NELL1: variants seen among roughly 807,000 people sequenced by gnomAD.
NELL1 encodes neural EGFL like 1.
In NELL1, 76 loss-of-function variants were observed where a neutral mutation model predicts 107.4. That is an observed-to-expected ratio of 0.71 (90% CI 0.59 to 0.86). The LOEUF is 0.86. Ranked by LOEUF, NELL1 falls within the 40% of genes least tolerant of loss-of-function variation. NELL1 has a pLI of 0.00. For missense variants in NELL1, 1,024 were observed against 1,005.5 expected (o/e 1.02, Z -0.25); for synonymous variants, 353 against 341.2 (o/e 1.03, Z -0.38).
chr11:20,914,739 A>G (rs1224602458), intron 5 of NELL1, among the ~76,000 whole-genome samples: 1 of 152,008 alleles, frequency 6.6e-6, no homozygotes, highest in African/African-American at 2.4e-5. Flanking sequence ...GCCCTGTAGT[A>G]TATAGCCTAG....
chr11:21,005,441 G>T (rs1193424087), intron 12 of NELL1, among the ~76,000 whole-genome samples: 1 of 152,186 alleles, frequency 6.6e-6, no homozygotes, highest in Admixed American at 6.5e-5. Flanking sequence ...CAGGGTTTTT[G>T]CCAGGGAAGG....
intron 14 of NELL1, among the ~76,000 whole-genome samples, chr11:21,346,943 A>C (rs6483766): frequency 1 from 152,251 of 152,254 alleles, 76,124 homozygotes; most frequent in Non-Finnish European, 1. Context: ...TAATAACCAA[A>C]TGTTAAGCTA....
At chr11:20,997,810 C>T (rs1320022165) in intron 12 of NELL1, among the ~76,000 whole-genome samples, 2 of 151,932 alleles carry the variant, frequency 1.3e-5, no homozygotes, top group Non-Finnish European at 2.9e-5. Flanking sequence ...CCTGTCTCTA[C>T]AAGAAATTAA....
chr11:21,007,281 A>G (rs1852347540), intron 12 of NELL1, among the ~76,000 whole-genome samples: 1 of 152,096 alleles, frequency 6.6e-6, no homozygotes, highest in Non-Finnish European at 1.5e-5. Flanking sequence ...ACTTGCTACA[A>G]ATGTCAGTTT....
At chr11:21,383,114 G>A (rs1240149171) in intron 15 of NELL1, among the ~76,000 whole-genome samples, 1 of 151,970 alleles carries the variant, frequency 6.6e-6, no homozygotes, top group Non-Finnish European at 1.5e-5. Flanking sequence ...TAACTCTTAT[G>A]ATTTGCATCA....
chr11:21,468,466 CTT>C (rs1854087350), intron 15 of NELL1, among the ~76,000 whole-genome samples: 1 of 151,934 alleles, frequency 6.6e-6, no homozygotes, highest in Non-Finnish European at 1.5e-5. Flanking sequence ...AATAAAAAGA[CTT>C]TAAAATTATT....
chr11:21,005,607 T>C (rs1165448561), intron 12 of NELL1, among the ~76,000 whole-genome samples: 1 of 152,192 alleles, frequency 6.6e-6, no homozygotes, highest in African/African-American at 2.4e-5. Flanking sequence ...ATAAAGACTG[T>C]GTTCATGAGC....
chr11:20,852,138 T>C (rs1848806089), intron 4 of NELL1, among the ~76,000 whole-genome samples: 1 of 152,232 alleles, frequency 6.6e-6, no homozygotes, highest in African/African-American at 2.4e-5. Flanking sequence ...AAGTGCAGTC[T>C]ATCACATTTC....
intron 12 of NELL1, among the ~76,000 whole-genome samples, chr11:20,996,360 T>C (rs1516742): frequency 0.23 from 34,989 of 152,104 alleles, 5,864 homozygotes; most frequent in African/African-American, 0.47. Context: ...GTGATAGTCT[T>C]TGTTCTTGCT....
chr11:21,442,894 G>T (rs1419987025), intron 15 of NELL1, among the ~76,000 whole-genome samples: 3 of 145,194 alleles, frequency 2.1e-5, no homozygotes, highest in Non-Finnish European at 4.5e-5. Flanking sequence ...GAAATTGGGT[G>T]CAATTAGCTT....
intron 15 of NELL1, among the ~76,000 whole-genome samples, chr11:21,379,718 T>G (rs1851565037): frequency 6.6e-6 from 1 of 152,150 alleles, no homozygotes. Flanking sequence ...AAAAATTTAT[T>G]CTACTCTCTT....
chr11:20,831,383 A>G (rs1046377321), intron 3 of NELL1, among the ~76,000 whole-genome samples: 1 of 152,216 alleles, frequency 6.6e-6, no homozygotes, highest in African/African-American at 2.4e-5. Context: ...ACACTTTTAA[A>G]GTGTTTACAA....
At chr11:21,199,018 C>G (rs1857210065) in intron 13 of NELL1, among the ~76,000 whole-genome samples, 1 of 152,106 alleles carries the variant, frequency 6.6e-6, no homozygotes, top group South Asian at 2.1e-4. Context: ...CATTGTATTT[C>G]TTGTACTAGT....
intron 14 of NELL1, among the ~76,000 whole-genome samples, chr11:21,283,042 T>G (rs1849033181): frequency 1.4e-5 from 2 of 147,452 alleles, no homozygotes; most frequent in African/African-American, 5.0e-5. Context: ...AGTGGGGGAG[T>G]GTGGGGGAGG....
intron 15 of NELL1, among the ~76,000 whole-genome samples, chr11:21,523,506 T>G (rs921185450): frequency 1.3e-5 from 2 of 152,194 alleles, no homozygotes; most frequent in African/African-American, 4.8e-5. Flanking sequence ...CAGGCTCTAT[T>G]ACCTCTAATA....
At chr11:21,358,652 G>A (rs111793076) in intron 14 of NELL1, among the ~76,000 whole-genome samples, 4,958 of 148,284 alleles carry the variant, frequency 0.033, 121 homozygotes, top group Admixed American at 0.083. Flanking sequence ...CCTGACCTCG[G>A]GTGATCCGCC....
intron 14 of NELL1, among the ~76,000 whole-genome samples, chr11:21,302,701 C>T (rs1268162472): frequency 6.6e-6 from 1 of 151,844 alleles, no homozygotes; most frequent in Admixed American, 6.6e-5. Context: ...GCTGATTAGA[C>T]ATTTGTTGGT....
At chr11:20,726,930 CT>C (rs1203503551) in intron 2 of NELL1, among the ~76,000 whole-genome samples, 16 of 152,150 alleles carry the variant, frequency 1.1e-4, no homozygotes, top group Admixed American at 3.9e-4. Context: ...ATGAACTCAT[CT>C]TTTTTTATGG....
At chr11:21,263,003 AC>A (rs1848563707) in intron 14 of NELL1, among the ~76,000 whole-genome samples, 2 of 151,498 alleles carry the variant, frequency 1.3e-5, no homozygotes, top group South Asian at 2.1e-4. Flanking sequence ...TTATCTTGTA[AC>A]CCTTTTCATT....
Sources: gnomAD v4.1 joint callset for allele counts (sites outside exome capture counted in the v4.1 genomes callset) on GRCh38, gnomAD v4.1.1 for gene constraint, MANE v1.5 for transcripts, NCBI Gene and HGNC (gene_info 2026-07-23, HGNC 2026-07-21) for gene names.